XPNPEP1: variants seen among roughly 807,000 people sequenced by gnomAD.
XPNPEP1 encodes the protein xaa-Pro aminopeptidase 1.
In XPNPEP1, 39 loss-of-function variants were observed where a neutral mutation model predicts 92.4. The ratio of observed to expected loss-of-function variants is 0.42; its 90% CI spans 0.33 to 0.55. The LOEUF is 0.55. XPNPEP1 is among the 20% of genes least tolerant of loss of function. XPNPEP1 has a pLI of 0.08. For synonymous variants in XPNPEP1, 307 were observed against 299.4 expected, an observed-to-expected ratio of 1.03 and a Z score of -0.26; for missense variants, 654 against 856.1, an observed-to-expected ratio of 0.76 and a Z score of 2.95.
intron 3 of XPNPEP1, chr10:109,893,918 C>T (rs906329391): frequency 6.6e-6 from 1 of 152,242 alleles, no homozygotes; most frequent in Non-Finnish European, 1.5e-5. Flanking sequence ...ATGCATGACA[C>T]TTTATCTCTC....
intron 3 of XPNPEP1, among the ~76,000 whole-genome samples, chr10:109,896,564 T>TG (rs1406543907): frequency 1.3e-5 from 2 of 151,598 alleles, no homozygotes; most frequent in Non-Finnish European, 2.9e-5. Context: ...GCCACCATGC[T>TG]GGGCAATGTT....
At chr10:109,869,610 C>T (rs1396608558) in intron 19 of XPNPEP1, among the ~76,000 whole-genome samples, 2 of 152,136 alleles carry the variant, frequency 1.3e-5, no homozygotes, top group Non-Finnish European at 2.9e-5. Context: ...GACAACAGGC[C>T]GCCTATAGTA....
chr10:109,894,494 C>T (rs1848875074), intron 3 of XPNPEP1, among the ~76,000 whole-genome samples: 1 of 150,314 alleles, frequency 6.7e-6, no homozygotes, highest in Non-Finnish European at 1.5e-5. Context: ...GATTGTGCCA[C>T]TGTATTCCAG....
At chr10:109,874,724 C>T (rs1434206834) in intron 15 of XPNPEP1, among the ~76,000 whole-genome samples, 1 of 152,108 alleles carries the variant, frequency 6.6e-6, no homozygotes, top group Non-Finnish European at 1.5e-5. Flanking sequence ...CCGAGACCGG[C>T]GGATCACGAG....
intron 20 of XPNPEP1, among the ~76,000 whole-genome samples, chr10:109,866,586 G>A (rs1208241115): frequency 6.6e-6 from 1 of 152,232 alleles, no homozygotes; most frequent in African/African-American, 2.4e-5. Context: ...AAAAGTGGGA[G>A]TGTGGACAGC....
chr10:109,915,035 AGT>A lies in XPNPEP1; in HGVS notation c.95_96del (p.His32LeufsTer32). The A allele has an allele frequency of 6.5e-7, 1 of 1,530,782 alleles. No individual in the cohort carries two copies. Among genetic ancestry groups the A allele is most frequent in the Non-Finnish European group, 8.7e-7 (1 of 1,143,248 alleles). 94.8% of individuals were successfully genotyped at this position (1,530,782 alleles called of 1,614,324 possible). A position where few individuals can be genotyped will look rare whatever the true frequency, so the allele number is the denominator to read the frequency against. ...CCTGTTTCCACACCTGTGTCTCCTG[AGT>A]GTGTCACCTCGTTAGGTTCAATTAT... ...LRIIEPNEVT[H>X]SGDTGVETDG... is the part of the protein sequence containing the mutation. On this transcript the variant is annotated frameshift_variant, in exon 2 of 21. Coordinates refer to ENST00000502935, the MANE Select transcript of XPNPEP1 (RefSeq NM_020383.4). LOFTEE classifies it high-confidence loss of function.
At chr10:109,870,622 G>A in intron 18 of XPNPEP1, 109 bp downstream of exon 18, 1 of 1,398,122 alleles carries the variant, frequency 7.2e-7, no homozygotes, top group Non-Finnish European at 9.6e-7. Context: ...TTGTTGGAAG[G>A]GAAAAGTATT....
At position 109,884,368 on chromosome 10, in the gene XPNPEP1, TCCACATCACTGC is replaced by T. The variant is rs1848274937; in HGVS notation, c.749-232_749-221del. On this transcript the variant is annotated intron_variant, in intron 8 of 20. Transcript: ENST00000502935. Reference sequence around the variant, plus strand: ...TGGCACCAGAGCTGTTTCTCAGGCTTCCACATCACTGCCCGGAGAAGGGAATAAAAGCTATTA... The same window carrying T: ...TGGCACCAGAGCTGTTTCTCAGGCTTCCGGAGAAGGGAATAAAAGCTATTA... 5.7e-6 allele frequency: 3 copies of T among 528,170 alleles called. No individual in the cohort carries two copies. In the South Asian group the frequency reaches 7.7e-5, roughly 13 times the overall value. The allele number at this position is 528,170 out of a possible 1,614,324, so 32.7% of individuals were successfully genotyped here. A position where few individuals can be genotyped will look rare whatever the true frequency, so the allele number is the denominator to read the frequency against.
chr10:109,895,055 T>C (rs1254099449), intron 3 of XPNPEP1, among the ~76,000 whole-genome samples: 1 of 152,212 alleles, frequency 6.6e-6, no homozygotes, highest in Non-Finnish European at 1.5e-5. Flanking sequence ...GCTGCACATA[T>C]GCAATGGAAG....
chr10:109,923,111 C>T, intron 1 of XPNPEP1: 1 of 962,994 alleles, frequency 1.0e-6, no homozygotes, highest in South Asian at 4.8e-5. Flanking sequence ...CTGTGACGGC[C>T]GCCGCCCCCT....
intron 18 of XPNPEP1, 78 bp downstream of exon 18, chr10:109,870,653 T>C (rs999334502): frequency 2.7e-6 from 4 of 1,504,454 alleles, no homozygotes; most frequent in Admixed American, 4.5e-5. Flanking sequence ...TTTAAACTAA[T>C]TAAAAAATAC....
Position 109,870,855 on chromosome 10 carries a change from T to C in XPNPEP1, c.1572A>G (p.Leu524=), listed in dbSNP as rs763949271. 6.2e-7 allele frequency: 1 copy of C among 1,614,064 alleles called. No homozygotes were observed. Among genetic ancestry groups the C allele is most frequent in the South Asian group, 1.1e-5 (1 of 91,072 alleles). Reference sequence around the variant, plus strand: ...CATGTCCAGTCCCGTGCAAGTAATCTAGGCCTGAATCCCATAAAGCTGAAC... The same window carrying C: ...CATGTCCAGTCCCGTGCAAGTAATCCAGGCCTGAATCCCATAAAGCTGAAC... ...FARSALWDSG[L]DYLHGTGHGV... Residue 524 remains leucine (L), a synonymous_variant, in exon 18 of 21, where the codon CTA becomes CTG. Transcript: ENST00000502935.
At chr10:109,918,691 G>C (rs1000908337) in intron 1 of XPNPEP1, among the ~76,000 whole-genome samples, 2 of 152,022 alleles carry the variant, frequency 1.3e-5, no homozygotes, top group South Asian at 2.1e-4. Context: ...AACCCAGGAG[G>C]GGGAGCTTGC....
At chr10:109,891,528 C>A (rs913706101) in intron 5 of XPNPEP1, 194 bp downstream of exon 5, 34 of 443,608 alleles carry the variant, frequency 7.7e-5, no homozygotes, top group African/African-American at 7.0e-4. Context: ...TATCCTGAAC[C>A]AGCGTCCTCC....
rs199689247 is a variant in XPNPEP1 at position 109,892,908 on chromosome 10, T to G, written c.310+104A>C. 2.3e-5 allele frequency: 27 copies of G among 1,154,376 alleles called. No individual in the cohort carries two copies. In the East Asian group the frequency reaches 5.3e-4, roughly 23 times the overall value. 71.5% of individuals were successfully genotyped at this position (1,154,376 alleles called of 1,614,324 possible). ...AGAGAGTCAATGTGGAGCATCTGGTTTGCATTTTCTTTTTGCTTCTATATC... is the reference window on the plus strand; with the variant it reads ...AGAGAGTCAATGTGGAGCATCTGGTGTGCATTTTCTTTTTGCTTCTATATC... On this transcript the variant is annotated intron_variant, in intron 4 of 20. Transcript: ENST00000502935.
intron 12 of XPNPEP1, 27 bp downstream of exon 12, chr10:109,880,161 C>T (rs759892026): frequency 2.5e-6 from 4 of 1,610,586 alleles, no homozygotes; most frequent in Non-Finnish European, 3.4e-6. Flanking sequence ...TGTATATCCA[C>T]ATATTAAACA....
intron 17 of XPNPEP1, chr10:109,871,159 G>A (rs3740137): frequency 0.25 from 89,763 of 358,414 alleles, 12,407 homozygotes; most frequent in Admixed American, 0.46. Context: ...CACAGAGGCC[G>A]TATCAGACAT....
intron 2 of XPNPEP1, among the ~76,000 whole-genome samples, chr10:109,914,797 CAAAAAAAAAA>C (rs35548906): frequency 1.0e-5 from 1 of 97,628 alleles, no homozygotes; most frequent in African/African-American, 3.6e-5. Context: ...GACTCCGTCT[CAAAAAAAAAA>C]AAAAAAAATG....
chr10:109,915,060 T>C lies in XPNPEP1; in HGVS notation c.72A>G (p.Ile24Met). 1.3e-6 allele frequency: 2 copies of C among 1,530,076 alleles called. No homozygotes were observed. Among genetic ancestry groups the C allele is most frequent in the Non-Finnish European group, 1.7e-6 (2 of 1,142,876 alleles). The allele number at this position is 1,530,076 out of a possible 1,614,324, so 94.8% of individuals were successfully genotyped here. Residue 24 changes from isoleucine (I) to methionine (M), a missense_variant, in exon 2 of 21, where the codon ATA becomes ATG. Transcript: ENST00000502935. ...HQDFQLRNLR[I>M]IEPNEVTHSG... ...AGTGTGTCACCTCGTTAGGTTCAAT[T>C]ATTCTTAAATTTCTCAGTTGAAAAT...
Sources: allele counts gnomAD v4.1 joint callset (sites outside exome capture counted in the v4.1 genomes callset), GRCh38; gene constraint gnomAD v4.1.1; transcripts MANE v1.5; gene names NCBI Gene and HGNC (gene_info 2026-07-23, HGNC 2026-07-21).